The following GNAT3 variants were observed in gnomAD, a reference collection of about 807,000 sequenced individuals.
GNAT3 encodes G protein subunit alpha transducin 3.
In GNAT3, 31 loss-of-function variants were observed where a neutral mutation model predicts 37.7. The ratio of observed to expected loss-of-function variants is 0.82; its 90% CI spans 0.62 to 1.11. GNAT3 has a LOEUF of 1.11. Ranked by LOEUF, GNAT3 falls within the 50% of genes most tolerant of loss-of-function variation. The pLI is 0.00. For missense variants in GNAT3, 437 were observed against 412.5 expected (o/e 1.06, Z -0.51); for synonymous variants, 138 against 139.8 (o/e 0.99, Z 0.09).
At chr7:80,497,259 AC>A (rs1368677045) in intron 1 of GNAT3, among the ~76,000 whole-genome samples, 3 of 152,108 alleles carry the variant, frequency 2.0e-5, no homozygotes. Context: ...AAGACAACTG[AC>A]CCTATCATTT....
At chr7:80,492,006 A>G (rs2116199497) in intron 2 of GNAT3, among the ~76,000 whole-genome samples, 1 of 152,258 alleles carries the variant, frequency 6.6e-6, no homozygotes, top group Middle Eastern at 3.4e-3. Flanking sequence ...CTCATTTTAA[A>G]AAAGTATCTA....
chr7:80,485,874 A>G lies in GNAT3; in HGVS notation c.303+2661T>C, dbSNP rs536334352. On this transcript the variant is annotated intron_variant, in intron 3 of 7. Transcript: ENST00000398291. ...GTAACTCAAGGAGGAAAGCCATAAC[A>G]TTCTGTGGAAGCAGACACTGAAATT... Among the ~76,000 whole-genome samples, 3 of 152,316 alleles carry G rather than the reference A, an allele frequency of 2.0e-5. No homozygotes were observed. The East Asian group carries it at 5.8e-4, about 29-fold the overall frequency.
Position 80,462,632 on chromosome 7 carries a change from C to T in GNAT3, c.591-1G>A. 1 of 1,607,350 alleles carries T rather than the reference C, an allele frequency of 6.2e-7. No homozygotes were observed. The highest frequency in any genetic ancestry group is 8.5e-7 in the Non-Finnish European group (1 of 1,177,022). On this transcript the variant is annotated splice_acceptor_variant, in intron 5 of 7. Transcript: ENST00000398291. LOFTEE classifies it high-confidence loss of function. ...TCTCTGTCCACCTACATCAAACATCCTTTAAGAAAACATCAAATGAATAAT... is the reference window on the plus strand; with the variant it reads ...TCTCTGTCCACCTACATCAAACATCTTTTAAGAAAACATCAAATGAATAAT...
intron 2 of GNAT3, among the ~76,000 whole-genome samples, chr7:80,493,462 A>G (rs1278710238): frequency 1.3e-5 from 2 of 152,204 alleles, no homozygotes; most frequent in Non-Finnish European, 2.9e-5. Context: ...AAAGGAAAAC[A>G]GTGTCTTAGA....
rs1463543832 is a variant in GNAT3 at position 80,511,949 on chromosome 7, A to T, written c.-23T>A. 6.6e-7 allele frequency: 1 copy of T among 1,519,520 alleles called. No homozygotes were observed. The highest frequency in any genetic ancestry group is 1.4e-5 in the African/African-American group (1 of 73,040). The allele number at this position is 1,519,520 out of a possible 1,614,324, so 94.1% of individuals were successfully genotyped here. Reference sequence around the variant, plus strand: ...CATCTTGTGGTGGTAGATACTTGTCAGTTTATATGTTCAGATTTTTCAAAT... The same window carrying T: ...CATCTTGTGGTGGTAGATACTTGTCTGTTTATATGTTCAGATTTTTCAAAT... On this transcript the variant is annotated 5_prime_UTR_variant, in exon 1 of 8. An upstream open reading frame in the 5' UTR loses its in-frame stop. Transcript: ENST00000398291.
At position 80,478,888 on chromosome 7, in the gene GNAT3, GGCC is replaced by G. The variant is rs1457673980; in HGVS notation, c.411_413del (p.Gln137_Ala138delinsHis). The G allele has an allele frequency of 6.2e-7, 1 of 1,613,224 alleles. No individual in the cohort carries two copies. Among genetic ancestry groups the G allele is most frequent in the Non-Finnish European group, 8.5e-7 (1 of 1,179,538 alleles). On this transcript the variant is annotated inframe_deletion, in exon 4 of 8. Transcript: ENST00000398291. Reference sequence around the variant, plus strand: ...GATATTCAGATGCCCTTTCAAAGCAGGCCTGAATTCCTGGATCTCTCCACAGCC... The same window carrying G: ...GATATTCAGATGCCCTTTCAAAGCAGTGAATTCCTGGATCTCTCCACAGCC...
In GNAT3 at chr7:80,478,005, C is replaced by T. The variant is rs562452090; in HGVS notation, c.461+836G>A. ...TGCCTACTGCAGCCTTGACCTCCTGCGCTCAAGCAATCCTTCTGTCTCAGC... is the reference window on the plus strand; with the variant it reads ...TGCCTACTGCAGCCTTGACCTCCTGTGCTCAAGCAATCCTTCTGTCTCAGC... On this transcript the variant is annotated intron_variant, in intron 4 of 7. Coordinates refer to ENST00000398291, the MANE Select transcript of GNAT3 (RefSeq NM_001102386.3). 9.0e-4 allele frequency among the ~76,000 whole-genome samples: 137 copies of T among 152,234 alleles called. 1 individual carries two copies. The highest frequency in any genetic ancestry group is 2.6e-3 in the African/African-American group (106 of 41,558).
At chr7:80,506,316 T>G (rs1360287042) in intron 1 of GNAT3, among the ~76,000 whole-genome samples, 1 of 152,184 alleles carries the variant, frequency 6.6e-6, no homozygotes, top group African/African-American at 2.4e-5. Context: ...TGTGGAATGT[T>G]TTACTAAATG....
chr7:80,502,770 A>G (rs1371824686), intron 1 of GNAT3, among the ~76,000 whole-genome samples: 3 of 151,846 alleles, frequency 2.0e-5, no homozygotes, highest in Non-Finnish European at 4.4e-5. Flanking sequence ...CCCCAGCCTC[A>G]TATTTATCCT....
rs750781429 is a variant in GNAT3, at chr7:80,501,351, T to C, written c.119-6704A>G. Among the ~76,000 whole-genome samples the C allele has an allele frequency of 6.6e-5, 10 of 152,162 alleles. No individual in the cohort carries two copies. In the East Asian group the frequency reaches 1.5e-3, roughly 23 times the overall value. Reference sequence around the variant, plus strand: ...ACATTTACATATACATATATGAACATAGTTTTATGTTTTGTTTTGCTGAAT... The same window carrying C: ...ACATTTACATATACATATATGAACACAGTTTTATGTTTTGTTTTGCTGAAT... On this transcript the variant is annotated intron_variant, in intron 1 of 7. Coordinates refer to ENST00000398291, the MANE Select transcript of GNAT3 (RefSeq NM_001102386.3).
chr7:80,463,176 A>G (rs569708108), intron 5 of GNAT3, among the ~76,000 whole-genome samples: 66 of 152,288 alleles, frequency 4.3e-4, no homozygotes, highest in Non-Finnish European at 7.9e-4. Flanking sequence ...AAAAAAACAA[A>G]TAAGTTACTA....
intron 4 of GNAT3, among the ~76,000 whole-genome samples, chr7:80,476,937 T>C (rs1178793949): frequency 6.6e-6 from 1 of 152,084 alleles, no homozygotes; most frequent in African/African-American, 2.4e-5. Flanking sequence ...AAATGAGCTT[T>C]TCTGTTGTTG....
chr7:80,498,677 A>G (rs1461137591), intron 1 of GNAT3, among the ~76,000 whole-genome samples: 3 of 152,122 alleles, frequency 2.0e-5, no homozygotes, highest in East Asian at 3.9e-4. Flanking sequence ...TTATAACAGC[A>G]TGTTCACATC....
chr7:80,497,616 A>ATATACGTATATGCG (rs1790751730), intron 1 of GNAT3, among the ~76,000 whole-genome samples: 1 of 117,532 alleles, frequency 8.5e-6, no homozygotes, highest in Non-Finnish European at 1.7e-5. Flanking sequence ...ACGTATATAC[A>ATATACGTATATGCG]TATACGTATA....
chr7:80,468,484 A>C (rs1361970815), intron 5 of GNAT3, among the ~76,000 whole-genome samples: 3 of 152,058 alleles, frequency 2.0e-5, no homozygotes, highest in Non-Finnish European at 4.4e-5. Flanking sequence ...AATAAAACTC[A>C]ATCTGAGTAG....
chr7:80,486,501 A>G (rs949946489), intron 3 of GNAT3: 1 of 150,334 alleles, frequency 6.7e-6, no homozygotes, highest in Admixed American at 6.7e-5. Context: ...GCTGGAGTGC[A>G]GTGGCGCCAT....
At chr7:80,498,404 A>T (rs1790772914) in intron 1 of GNAT3, among the ~76,000 whole-genome samples, 1 of 152,186 alleles carries the variant, frequency 6.6e-6, no homozygotes, top group Non-Finnish European at 1.5e-5. Flanking sequence ...GCCTTTAAAA[A>T]GGTGTCTGTA....
intron 2 of GNAT3, 95 bp from the exon 3 acceptor site, chr7:80,488,771 A>T: frequency 1.2e-6 from 1 of 840,906 alleles, no homozygotes; most frequent in Non-Finnish European, 1.8e-6. Flanking sequence ...ATTACAGTAT[A>T]TATTCATTAA....
At chr7:80,463,212 T>C (rs976504000) in intron 5 of GNAT3, among the ~76,000 whole-genome samples, 6 of 152,126 alleles carry the variant, frequency 3.9e-5, no homozygotes, top group African/African-American at 9.6e-5. Flanking sequence ...AATATTCTAA[T>C]ATACAAGGTA....
Sources: gnomAD v4.1 joint callset for allele counts (sites outside exome capture counted in the v4.1 genomes callset) on GRCh38, gnomAD v4.1.1 for gene constraint, MANE v1.5 for transcripts, NCBI Gene and HGNC (gene_info 2026-07-23, HGNC 2026-07-21) for gene names.